The following DNAH5 variants were observed in gnomAD, a reference collection of about 807,000 sequenced individuals.
DNAH5 encodes the protein axonemal beta dynein heavy chain 5.
Under a neutral mutation model 518.2 loss-of-function variants are expected in DNAH5, and 372 were observed. The observed-to-expected ratio is 0.72, with a 90% CI of 0.66 to 0.78. The LOEUF (loss-of-function observed/expected upper bound fraction) is 0.78. DNAH5 is among the 30% of genes least tolerant of loss of function. The pLI is 0.00. For missense variants in DNAH5, 5,523 were observed against 5,687.0 expected, an observed-to-expected ratio of 0.97 and a Z score of 0.93; for synonymous variants, 2,039 against 2,025.9, an observed-to-expected ratio of 1.01 and a Z score of -0.17.
Position 13,894,831 on chromosome 5 carries a change from A to C in DNAH5, c.2260-10T>G. The C allele has an allele frequency of 1.9e-6, 3 of 1,612,300 alleles. No individual in the cohort carries two copies. The highest frequency in any genetic ancestry group is 2.5e-6 in the Non-Finnish European group (3 of 1,179,820). On this transcript the variant is annotated splice_polypyrimidine_tract_variant and intron_variant, in intron 15 of 78. Transcript: ENST00000265104. ...ATTCAGCTAGCATCATCTGCAATGA[A>C]ATTGGGGTTAAGTAATCAATTAATA... is the stretch of plus-strand genomic sequence containing the variant.
Position 13,691,380 on chromosome 5 carries a change from T to C in DNAH5, c.*604A>G, listed in dbSNP as rs1740676579. 1 of 152,258 alleles carries C rather than the reference T, an allele frequency of 6.6e-6. No homozygotes were observed. Among genetic ancestry groups the C allele is most frequent in the South Asian group, 2.1e-4 (1 of 4,836 alleles). The allele number at this position is 152,258 out of a possible 1,614,324, so 9.4% of individuals were successfully genotyped here. On this transcript the variant is annotated 3_prime_UTR_variant, in exon 79 of 79. Coordinates refer to ENST00000265104, the MANE Select transcript of DNAH5 (RefSeq NM_001369.3). ...TTTTATTATAAGAATTATCAATTAG[T>C]ATTTCATTATTAATTATAAGTAGGC...
At chr5:13,994,332 C>T (rs999930351) in intron 1 of DNAH5, among the ~76,000 whole-genome samples, 1 of 152,184 alleles carries the variant, frequency 6.6e-6, no homozygotes, top group African/African-American at 2.4e-5. Context: ...AATTTTGCCG[C>T]TGAGATCATG....
intron 52 of DNAH5, among the ~76,000 whole-genome samples, chr5:13,782,958 A>G (rs1000397754): frequency 1.3e-5 from 2 of 152,180 alleles, no homozygotes; most frequent in Non-Finnish European, 2.9e-5. Context: ...CCTGCCCCTC[A>G]GGAGCTCACG....
chr5:13,946,546 G>T (rs1272112917), upstream of DNAH5, among the ~76,000 whole-genome samples: 2 of 152,172 alleles, frequency 1.3e-5, no homozygotes, highest in African/African-American at 4.8e-5. Context: ...GGAGGGAAAT[G>T]ATCAAACATT....
intron 30 of DNAH5, among the ~76,000 whole-genome samples, chr5:13,856,449 C>T (rs1767648427): frequency 6.6e-6 from 1 of 152,242 alleles, no homozygotes; most frequent in African/African-American, 2.4e-5. Context: ...CAAAGAGCAG[C>T]TGGTACCATT....
rs1561475731 is a variant in DNAH5 at position 13,870,883 on chromosome 5, T to C, written c.3718A>G (p.Asn1240Asp). The change falls in exon 24 of 79, where the codon AAT becomes GAT. Residue 1240 changes from asparagine (N) to aspartate (D), a missense_variant. Around this residue, in one of 3 missense-constraint regions of DNAH5, gnomAD observed 5,121 missense variants for 5,223.3 expected, o/e 0.98. Coordinates refer to ENST00000265104, the MANE Select transcript of DNAH5 (RefSeq NM_001369.3). ...TTAATTGGACGATTTAGTTTCTTAT[T>C]GAATTCTTCAATAAGCATAAAAATG... is the stretch of plus-strand genomic sequence containing the variant. ...ENIFMLIEEF[N>D]KKLNRPIKDL... 2.5e-6 allele frequency: 4 copies of C among 1,613,908 alleles called. No homozygotes were observed.
chr5:13,725,578 T>C (rs1745608268), intron 70 of DNAH5, among the ~76,000 whole-genome samples: 1 of 152,188 alleles, frequency 6.6e-6, no homozygotes, highest in Non-Finnish European at 1.5e-5. Context: ...CAATATGTGG[T>C]CCCAATGCAA....
At chr5:13,811,911 G>T (rs1357570810) in intron 43 of DNAH5, 88 bp from the exon 44 acceptor site, 7 of 1,132,044 alleles carry the variant, frequency 6.2e-6, no homozygotes, top group Non-Finnish European at 7.9e-6. Flanking sequence ...AAAAGTATCT[G>T]TTAATAATGA....
intron 9 of DNAH5, among the ~76,000 whole-genome samples, chr5:13,915,434 T>C (rs1246807537): frequency 6.6e-6 from 1 of 152,130 alleles, no homozygotes; most frequent in Non-Finnish European, 1.5e-5. Flanking sequence ...GTTTTGCAAA[T>C]AATATGCATA....
At chr5:13,835,425 G>T (rs9312847) in intron 35 of DNAH5, among the ~76,000 whole-genome samples, 62,609 of 151,724 alleles carry the variant, frequency 0.41, 13,287 homozygotes, top group East Asian at 0.6. Flanking sequence ...AAAGAGCCAG[G>T]CCGGCAAGCT....
At chr5:13,812,456 C>G (rs1020673182) in intron 43 of DNAH5, among the ~76,000 whole-genome samples, 5 of 152,120 alleles carry the variant, frequency 3.3e-5, no homozygotes, top group Non-Finnish European at 7.4e-5. Flanking sequence ...CAAGTGCATG[C>G]CACTACACCC....
At chr5:13,777,013 T>G (rs1293845965) in intron 54 of DNAH5, among the ~76,000 whole-genome samples, 189 bp downstream of exon 54, 1 of 152,328 alleles carries the variant, frequency 6.6e-6, no homozygotes, top group African/African-American at 2.4e-5. Flanking sequence ...TTTCAATGCT[T>G]AGCTCCAAAT....
chr5:13,701,225 T>C lies in DNAH5; in HGVS notation c.13491+59A>G, dbSNP rs2126408395. On this transcript the variant is annotated intron_variant, in intron 77 of 78. Coordinates refer to ENST00000265104, the MANE Select transcript of DNAH5 (RefSeq NM_001369.3). ...ATTATAGTCTTTAAAACTATAATGA[T>C]GGAAAATCCTGTGGAGGAAAATTAT... 3 of 1,607,278 alleles carry C rather than the reference T, an allele frequency of 1.9e-6. No individual in the cohort carries two copies. The South Asian group carries it at 3.3e-5, about 18-fold the overall frequency.
At chr5:13,877,978 A>G (rs115302186) in intron 21 of DNAH5, among the ~76,000 whole-genome samples, 1,993 of 152,232 alleles carry the variant, frequency 0.013, 29 homozygotes, top group African/African-American at 0.034. Context: ...GTGCCCCAAC[A>G]TTTACAGCTG....
chr5:13,717,280 C>G (rs572053952), intron 73 of DNAH5, 35 bp downstream of exon 73: 1 of 1,597,236 alleles, frequency 6.3e-7, no homozygotes, highest in South Asian at 1.1e-5. Flanking sequence ...AAGCCCACAG[C>G]CACTAGAGGC....
At position 13,786,358 on chromosome 5, in the gene DNAH5, T is replaced by C. The variant is rs375676172; in HGVS notation, c.8648-7A>G. 2 of 1,613,762 alleles carry C rather than the reference T, an allele frequency of 1.2e-6. No homozygotes were observed. Among genetic ancestry groups the C allele is most frequent in the Non-Finnish European group, 1.7e-6 (2 of 1,179,982 alleles). ...GCCTCTTCAGATGTTTCACCTTTGG[T>C]GGGAAATAAGAATCAGTTAAGTTTC... On this transcript the variant is annotated splice_region_variant and splice_polypyrimidine_tract_variant and intron_variant, in intron 51 of 78. Coordinates refer to ENST00000265104, the MANE Select transcript of DNAH5 (RefSeq NM_001369.3).
chr5:13,873,327 A>G (rs1401573646), intron 22 of DNAH5, among the ~76,000 whole-genome samples: 1 of 151,990 alleles, frequency 6.6e-6, no homozygotes, highest in African/African-American at 2.4e-5. Flanking sequence ...ATATTTCACT[A>G]AGATTGTTAC....
chr5:13,753,450 G>A lies in DNAH5; in HGVS notation c.10655C>T (p.Ala3552Val), dbSNP rs1262109306. The change falls in exon 63 of 79, where the codon GCC (alanine) becomes GTC (valine). Residue 3552 changes from alanine to valine, a missense_variant. Transcript: ENST00000265104. ...GTTCTTTCCAAATGGAATTTTCCGG[G>A]CTTTCATTTCCTTCCGCCAGTCATT... ...LLNDWRKEMK[A>V]RKIPFGKNLN... 6.2e-7 allele frequency: 1 copy of A among 1,613,786 alleles called. No homozygotes were observed. Among genetic ancestry groups the A allele is most frequent in the East Asian group, 2.2e-5 (1 of 44,880 alleles).
chr5:13,884,381 A>G (rs1463583513), intron 19 of DNAH5, among the ~76,000 whole-genome samples: 1 of 152,190 alleles, frequency 6.6e-6, no homozygotes, highest in Non-Finnish European at 1.5e-5. Flanking sequence ...ACGTACTACC[A>G]ATTTTCATGT....
Sources: allele counts gnomAD v4.1 joint callset (sites outside exome capture counted in the v4.1 genomes callset), GRCh38; gene constraint gnomAD v4.1.1; regional missense constraint gnomAD v4.1.1; transcripts MANE v1.5; gene names NCBI Gene and HGNC (gene_info 2026-07-23, HGNC 2026-07-21).